MYH10: variants seen among roughly 807,000 people sequenced by gnomAD.
The protein encoded by MYH10 is myosin-10.
A neutral mutation model predicts 257.8 loss-of-function variants in MYH10; 55 were observed. The ratio of observed to expected loss-of-function variants is 0.21; its 90% CI spans 0.17 to 0.27. The LOEUF (loss-of-function observed/expected upper bound fraction) is 0.27. Among genes scored for constraint, MYH10 ranks in the 10% least tolerant of loss-of-function variants. The pLI is 1.00. For missense variants in MYH10, 1,631 were observed against 2,500.6 expected, an observed-to-expected ratio of 0.65 and a Z score of 7.42; for synonymous variants, 854 against 921.7, an observed-to-expected ratio of 0.93 and a Z score of 1.33.
chr17:8,475,788 C>G lies in MYH10; in HGVS notation c.*16G>C, dbSNP rs761284331. ...TAACTGTCCCACTGTATTGCCTCCTCTGGCTTCCTGCAACTTTACTCTGAC... is the reference window on the plus strand; with the variant it reads ...TAACTGTCCCACTGTATTGCCTCCTGTGGCTTCCTGCAACTTTACTCTGAC... On this transcript the variant is annotated 3_prime_UTR_variant, in exon 43 of 43. Coordinates refer to ENST00000360416, the MANE Select transcript of MYH10 (RefSeq NM_001256012.3). 1.9e-6 allele frequency: 3 copies of G among 1,612,920 alleles called. No individual in the cohort carries two copies. Among genetic ancestry groups the G allele is most frequent in the Admixed American group, 3.3e-5 (2 of 59,936 alleles).
intron 6 of MYH10, among the ~76,000 whole-genome samples, chr17:8,574,472 T>C (rs1054880577): frequency 1.3e-5 from 2 of 152,192 alleles, no homozygotes; most frequent in African/African-American, 2.4e-5. Context: ...ATAAAGTGAA[T>C]ATACTAAAAA....
intron 3 of MYH10, among the ~76,000 whole-genome samples, chr17:8,601,900 G>A (rs1365128755): frequency 6.6e-5 from 10 of 151,990 alleles, no homozygotes; most frequent in Admixed American, 5.9e-4. Flanking sequence ...TAAAGATGTG[G>A]GATGTGTGAC....
In MYH10 at chr17:8,492,876, T is replaced by C. The variant is rs372919713; in HGVS notation, c.4358A>G (p.Lys1453Arg). Reference sequence around the variant, plus strand: ...GTCCAGCTCCTGCTGCAGGCGGTTCTTGGTCTTCTCCAGTTTGTCATACGC... The same window carrying C: ...GTCCAGCTCCTGCTGCAGGCGGTTCCTGGTCTTCTCCAGTTTGTCATACGC... Reference protein sequence around the residue: ...ALAYDKLEKTKNRLQQELDDL... With the variant: ...ALAYDKLEKTRNRLQQELDDL... Residue 1453 changes from lysine to arginine, a missense_variant, in exon 33 of 43, where the codon AAG becomes AGG. Physicochemically the swap from Lys to Arg is conservative, Grantham distance 26. Around this residue, in one of 11 missense-constraint regions of MYH10, gnomAD observed 463 missense variants for 621.8 expected, o/e 0.74. Coordinates refer to ENST00000360416, the MANE Select transcript of MYH10 (RefSeq NM_001256012.3). The C allele has an allele frequency of 3.3e-5, 53 of 1,613,998 alleles. No homozygotes were observed. Among genetic ancestry groups the C allele is most frequent in the Non-Finnish European group, 4.2e-5 (50 of 1,180,018 alleles).
chr17:8,487,838 C>T (rs906446501), intron 35 of MYH10, among the ~76,000 whole-genome samples: 6 of 152,122 alleles, frequency 3.9e-5, no homozygotes, highest in Admixed American at 6.5e-5. Context: ...CGAGGGCATG[C>T]GAGAAGGCAG....
At chr17:8,620,340 T>G (rs141427013) in intron 2 of MYH10, among the ~76,000 whole-genome samples, 3 of 152,178 alleles carry the variant, frequency 2.0e-5, no homozygotes, top group Non-Finnish European at 4.4e-5. Context: ...TCATAGAAAT[T>G]AGAAAATATT....
At chr17:8,572,354 C>T (rs1164085226) in intron 6 of MYH10, among the ~76,000 whole-genome samples, 2 of 151,920 alleles carry the variant, frequency 1.3e-5, no homozygotes, top group Non-Finnish European at 2.9e-5. Context: ...GTGCCTAACT[C>T]GGTCAGTATC....
At position 8,477,311 on chromosome 17, in the gene MYH10, C is replaced by T. The variant is rs75131028; in HGVS notation, c.5707-263G>A. Among the ~76,000 whole-genome samples, 1,202 of 152,254 alleles carry T rather than the reference C, an allele frequency of 7.9e-3. 9 individuals carry two copies. Among genetic ancestry groups the T allele is most frequent in the Non-Finnish European group, 0.014 (944 of 68,012 alleles). ...TCTGTTTTTACCAGTGAGTTTTCTG[C>T]AGAAAAATGACAGCGTTTACTGTCT... On this transcript the variant is annotated intron_variant, in intron 41 of 42. Transcript: ENST00000360416. This position sits in a 1 kb window ranked among gnomAD's most constrained non-coding sequence, Gnocchi z 4.2.
chr17:8,525,626 G>C (rs1452237042), intron 17 of MYH10, among the ~76,000 whole-genome samples: 1 of 152,196 alleles, frequency 6.6e-6, no homozygotes, highest in East Asian at 1.9e-4. Context: ...AGCCTACACG[G>C]GCAGTTCTTA....
At chr17:8,576,754 C>T in intron 5 of MYH10, 82 bp from the exon 6 acceptor site, 1 of 1,367,456 alleles carries the variant, frequency 7.3e-7, no homozygotes, top group East Asian at 2.5e-5. Context: ...AAGCACCAAG[C>T]CAATGTGCAG....
intron 38 of MYH10, 103 bp downstream of exon 38, chr17:8,481,219 G>T: frequency 8.4e-7 from 1 of 1,188,708 alleles, no homozygotes; most frequent in Non-Finnish European, 1.2e-6. Flanking sequence ...AGCGAGGGAG[G>T]AGCAAACCAC....
At chr17:8,610,163 G>A (rs1318595131) in intron 2 of MYH10, among the ~76,000 whole-genome samples, 1 of 147,380 alleles carries the variant, frequency 6.8e-6, no homozygotes, top group Non-Finnish European at 1.5e-5. Flanking sequence ...ATCATAAAGT[G>A]AGAGACAATG....
chr17:8,581,761 C>G (rs772009485), intron 4 of MYH10, among the ~76,000 whole-genome samples: 1 of 152,172 alleles, frequency 6.6e-6, no homozygotes, highest in African/African-American at 2.4e-5. Context: ...TAAACATTAT[C>G]CATTATTGTC....
intron 3 of MYH10, among the ~76,000 whole-genome samples, chr17:8,589,476 TCTGGG>T (rs1232234215): frequency 6.6e-6 from 1 of 152,176 alleles, no homozygotes; most frequent in African/African-American, 2.4e-5. Flanking sequence ...ATCATTCAAC[TCTGGG>T]AGATGGGGAT....
In MYH10 at chr17:8,477,115, C is replaced by T. The variant is rs959156749; in HGVS notation, c.5707-67G>A. 8 of 1,576,192 alleles carry T rather than the reference C, an allele frequency of 5.1e-6. No homozygotes were observed. Among genetic ancestry groups the T allele is most frequent in the East Asian group, 4.5e-5 (2 of 44,492 alleles). On this transcript the variant is annotated intron_variant, in intron 41 of 42. Coordinates refer to ENST00000360416, the MANE Select transcript of MYH10 (RefSeq NM_001256012.3). The surrounding 1 kb of genome is among the most constrained non-coding windows in gnomAD (Gnocchi z 4.2). ...ATCCAGTGTCGGCCTCTCTGTACCC[C>T]GAGCGTGGCAGTGTGGGGCTCTGCC...
rs1460715851 is a variant in MYH10, at chr17:8,535,400, C to T, written c.1881G>A (p.Glu627=). The T allele has an allele frequency of 6.2e-7, 1 of 1,613,584 alleles. No homozygotes were observed. The highest frequency in any genetic ancestry group is 1.7e-5 in the Admixed American group (1 of 59,918). The change falls in exon 16 of 43, where the codon GAG becomes GAA. Residue 627 remains glutamate, a synonymous_variant. Coordinates refer to ENST00000360416, the MANE Select transcript of MYH10 (RefSeq NM_001256012.3). The surrounding 1 kb of genome is among the most constrained non-coding windows in gnomAD (Gnocchi z 4.3). Reference sequence around the variant, plus strand: ...GCACTTTCTTACCATCTTTCCAAAGCTCTGCCACAAATCTGTCTGATGACT... The same window carrying T: ...GCACTTTCTTACCATCTTTCCAAAGTTCTGCCACAAATCTGTCTGATGACT... ...LHQSSDRFVA[E]LWKDEIQNIQ... is the part of the protein sequence containing the mutation.
At chr17:8,578,754 C>G (rs2083593363) in intron 4 of MYH10, among the ~76,000 whole-genome samples, 1 of 152,122 alleles carries the variant, frequency 6.6e-6, no homozygotes, top group African/African-American at 2.4e-5. Context: ...TGCTCAAACA[C>G]TGAAGCTCCC....
At chr17:8,591,699 T>C (rs940487760) in intron 3 of MYH10, among the ~76,000 whole-genome samples, 1 of 146,994 alleles carries the variant, frequency 6.8e-6, no homozygotes, top group East Asian at 2.1e-4. Context: ...TACATGCTAT[T>C]ATCAATGTCT....
At chr17:8,606,113 TAAAC>T (rs1211657626) in intron 2 of MYH10, among the ~76,000 whole-genome samples, 8 of 152,188 alleles carry the variant, frequency 5.3e-5, no homozygotes, top group South Asian at 4.1e-4. Flanking sequence ...ATAAGCCAAA[TAAAC>T]AAAAGCTCTT....
chr17:8,476,298 ATTCT>A (rs1567757701), intron 42 of MYH10, among the ~76,000 whole-genome samples: 1 of 152,268 alleles, frequency 6.6e-6, no homozygotes, highest in African/African-American at 2.4e-5. Context: ...TCTGTTGCAT[ATTCT>A]TTGTTTCGGC....
Sources: allele counts gnomAD v4.1 joint callset (sites outside exome capture counted in the v4.1 genomes callset), GRCh38; gene constraint gnomAD v4.1.1; regional missense constraint gnomAD v4.1.1; non-coding constraint Gnocchi (gnomAD v3.1); transcripts MANE v1.5; gene names NCBI Gene and HGNC (gene_info 2026-07-23, HGNC 2026-07-21).